CNTN5: variants seen among roughly 807,000 people sequenced by gnomAD.
The protein encoded by CNTN5 is contactin-5.
In CNTN5, 77 loss-of-function variants were observed where a neutral mutation model predicts 129.1. The ratio of observed to expected loss-of-function variants is 0.60; its 90% CI spans 0.50 to 0.72. The LOEUF (loss-of-function observed/expected upper bound fraction) is 0.72. Ranked by LOEUF, CNTN5 falls within the 30% of genes least tolerant of loss-of-function variation. The pLI, the probability that CNTN5 is intolerant of heterozygous loss-of-function variation, is 0.00. For missense variants in CNTN5, 1,478 were observed against 1,328.8 expected, an observed-to-expected ratio of 1.11 and a Z score of -1.75; for synonymous variants, 509 against 465.6, an observed-to-expected ratio of 1.09 and a Z score of -1.20.
At chr11:100,257,830 G>A (rs563468119) in intron 17 of CNTN5, among the ~76,000 whole-genome samples, 1 of 152,210 alleles carries the variant, frequency 6.6e-6, no homozygotes, top group Non-Finnish European at 1.5e-5. Context: ...ACAAAGATGA[G>A]GAAAAAACAG....
chr11:99,865,851 C>T (rs1948340897), intron 6 of CNTN5, among the ~76,000 whole-genome samples: 1 of 151,956 alleles, frequency 6.6e-6, no homozygotes, highest in Non-Finnish European at 1.5e-5. Flanking sequence ...TTTGGTTTCA[C>T]TTGTTTTAAT....
At chr11:99,946,750 A>AT (rs1216576878) in intron 7 of CNTN5, among the ~76,000 whole-genome samples, 1 of 151,792 alleles carries the variant, frequency 6.6e-6, no homozygotes, top group African/African-American at 2.4e-5. Context: ...AAATATGACA[A>AT]TTTTTTCCAA....
intron 12 of CNTN5, 27 bp downstream of exon 12, chr11:100,071,861 G>GA (rs575164630): frequency 0.017 from 22,233 of 1,344,786 alleles, 54 homozygotes; most frequent in African/African-American, 0.045. Flanking sequence ...TGAATAAATT[G>GA]AAAAAAAAAA....
intron 6 of CNTN5, among the ~76,000 whole-genome samples, chr11:99,848,534 A>T: frequency 6.6e-6 from 1 of 152,306 alleles, no homozygotes; most frequent in East Asian, 1.9e-4. Context: ...TTTATTAAAT[A>T]TTGAATATGA....
chr11:99,372,966 T>C (rs1342828452), intron 2 of CNTN5, among the ~76,000 whole-genome samples: 1 of 152,192 alleles, frequency 6.6e-6, no homozygotes, highest in African/African-American at 2.4e-5. Flanking sequence ...CCCAGCACTT[T>C]GGGAGGCCCA....
intron 13 of CNTN5, among the ~76,000 whole-genome samples, chr11:100,087,155 C>A: frequency 6.7e-6 from 1 of 149,310 alleles, no homozygotes; most frequent in Non-Finnish European, 1.5e-5. Flanking sequence ...ATACTGAGAG[C>A]AAAAATGAAA....
chr11:99,291,291 T>C (rs1864160353), intron 1 of CNTN5, among the ~76,000 whole-genome samples: 1 of 151,896 alleles, frequency 6.6e-6, no homozygotes, highest in African/African-American at 2.4e-5. Flanking sequence ...AGGCAACTTC[T>C]TACTTAATAT....
chr11:99,955,789 C>T (rs1486996286), intron 7 of CNTN5, among the ~76,000 whole-genome samples: 2 of 152,070 alleles, frequency 1.3e-5, no homozygotes, highest in East Asian at 3.9e-4. Flanking sequence ...TAGTCTCGAT[C>T]TCCTAACCTC....
chr11:99,237,263 G>A (rs936583344), intron 1 of CNTN5, among the ~76,000 whole-genome samples: 1 of 152,034 alleles, frequency 6.6e-6, no homozygotes, highest in Non-Finnish European at 1.5e-5. Flanking sequence ...ATAATCTTCA[G>A]TATGTTAACA....
At chr11:99,083,828 G>A (rs549519623) in intron 1 of CNTN5, among the ~76,000 whole-genome samples, 21 of 152,104 alleles carry the variant, frequency 1.4e-4, no homozygotes, top group Non-Finnish European at 2.8e-4. Flanking sequence ...TTCCTGCAGT[G>A]AGCACCGCAC....
At chr11:99,589,626 G>A (rs1452270847) in intron 3 of CNTN5, among the ~76,000 whole-genome samples, 1 of 152,140 alleles carries the variant, frequency 6.6e-6, no homozygotes. Context: ...AAAGTATATT[G>A]ATGTTCATAA....
intron 2 of CNTN5, among the ~76,000 whole-genome samples, chr11:99,474,057 A>C (rs996473508): frequency 6.6e-6 from 1 of 152,006 alleles, no homozygotes; most frequent in Non-Finnish European, 1.5e-5. Flanking sequence ...TCTTTATTGC[A>C]CCAAAACAAT....
chr11:99,230,263 T>A (rs1408313327), intron 1 of CNTN5, among the ~76,000 whole-genome samples: 1 of 152,076 alleles, frequency 6.6e-6, no homozygotes, highest in African/African-American at 2.4e-5. Flanking sequence ...TAACAAGATA[T>A]AACAACAAAA....
At chr11:99,406,311 C>G (rs2406926) in intron 2 of CNTN5, among the ~76,000 whole-genome samples, 1 of 151,908 alleles carries the variant, frequency 6.6e-6, no homozygotes, top group Non-Finnish European at 1.5e-5. Flanking sequence ...GAGGTACCAC[C>G]TTGATGGTCT....
At chr11:100,064,542 A>C (rs1943618485) in intron 10 of CNTN5, among the ~76,000 whole-genome samples, 1 of 152,130 alleles carries the variant, frequency 6.6e-6, no homozygotes, top group Admixed American at 6.6e-5. Flanking sequence ...AACTTGGAAA[A>C]ATTAAAATAC....
intron 4 of CNTN5, among the ~76,000 whole-genome samples, chr11:99,842,754 A>G (rs963648900): frequency 1.3e-5 from 2 of 152,268 alleles, no homozygotes; most frequent in Admixed American, 6.5e-5. Context: ...AAGTTTTCCA[A>G]TTTTTTATAA....
chr11:99,782,551 G>A (rs1945350293), intron 3 of CNTN5, among the ~76,000 whole-genome samples: 5 of 151,682 alleles, frequency 3.3e-5, no homozygotes. Context: ...CAAAGCTGGA[G>A]GCATCACACT....
chr11:99,610,296 G>A (rs1312450026), intron 3 of CNTN5, among the ~76,000 whole-genome samples: 2 of 152,064 alleles, frequency 1.3e-5, no homozygotes, highest in Non-Finnish European at 2.9e-5. Context: ...TGATGTAATG[G>A]CCTATTTGAG....
At chr11:99,048,327 T>G (rs1275822581) in intron 1 of CNTN5, among the ~76,000 whole-genome samples, 1 of 152,120 alleles carries the variant, frequency 6.6e-6, no homozygotes, top group Non-Finnish European at 1.5e-5. Context: ...AGTACAATGG[T>G]GATGTCACAT....
Sources: allele counts gnomAD v4.1 joint callset (sites outside exome capture counted in the v4.1 genomes callset), GRCh38; gene constraint gnomAD v4.1.1; transcripts MANE v1.5; gene names NCBI Gene and HGNC (gene_info 2026-07-23, HGNC 2026-07-21).